The following GRIK1 variants were observed in gnomAD, a reference collection of about 807,000 sequenced individuals.
The protein encoded by GRIK1 is glutamate receptor ionotropic, kainate 1.
GRIK1 carries 69 observed loss-of-function variants against 105.7 expected under a neutral mutation model. That is an observed-to-expected ratio of 0.65 (90% CI 0.54 to 0.80). GRIK1 has a LOEUF of 0.80. GRIK1 is among the 30% of genes least tolerant of loss of function. The probability of loss-of-function intolerance (pLI) is 0.00; values close to 1 mark genes in which losing one functional copy is unlikely to be tolerated. For missense variants in GRIK1, 1,109 were observed against 1,167.3 expected (o/e 0.95, Z 0.73); for synonymous variants, 438 against 431.3 (o/e 1.02, Z -0.19).
intron 1 of GRIK1, among the ~76,000 whole-genome samples, chr21:29,857,686 A>G (rs1288945513): frequency 6.6e-6 from 1 of 152,232 alleles, no homozygotes; most frequent in African/African-American, 2.4e-5. Context: ...TAATGTTAAT[A>G]TTAAAAGGAT....
intron 3 of GRIK1, among the ~76,000 whole-genome samples, chr21:29,681,501 C>T (rs559640236): frequency 3.3e-5 from 5 of 152,262 alleles, no homozygotes; most frequent in South Asian, 2.1e-4. Context: ...TGACTAGAAC[C>T]GCCTTCTCTC....
intron 1 of GRIK1, among the ~76,000 whole-genome samples, chr21:29,921,766 A>C (rs746326457): frequency 6.6e-6 from 1 of 152,192 alleles, no homozygotes; most frequent in Non-Finnish European, 1.5e-5. Context: ...ATACAAATTA[A>C]CGTACGCTAA....
chr21:29,865,032 C>T (rs1224825038), intron 1 of GRIK1, among the ~76,000 whole-genome samples: 1 of 152,184 alleles, frequency 6.6e-6, no homozygotes, highest in Non-Finnish European at 1.5e-5. Context: ...TGATGCCACT[C>T]TTGATAAACC....
At chr21:29,587,964 C>CCTTTTTT in intron 11 of GRIK1, among the ~76,000 whole-genome samples, 1 of 65,410 alleles carries the variant, frequency 1.5e-5, no homozygotes, top group East Asian at 6.0e-4. Flanking sequence ...CTTTAAAATT[C>CCTTTTTT]TTTTTTTTTT....
intron 1 of GRIK1, among the ~76,000 whole-genome samples, chr21:29,717,233 G>C (rs1411990572): frequency 6.6e-6 from 1 of 152,248 alleles, no homozygotes; most frequent in Non-Finnish European, 1.5e-5. Context: ...TGCTAGGGCA[G>C]TGTGGAAGGG....
chr21:29,701,209 C>T (rs1448266112), intron 1 of GRIK1, among the ~76,000 whole-genome samples: 1 of 152,158 alleles, frequency 6.6e-6, no homozygotes, highest in Non-Finnish European at 1.5e-5. Context: ...CAGTGAGCAA[C>T]AGATACGCAT....
intron 4 of GRIK1, among the ~76,000 whole-genome samples, chr21:29,670,131 T>TA (rs1379691251): frequency 2.0e-5 from 3 of 152,130 alleles, no homozygotes; most frequent in Non-Finnish European, 4.4e-5. Context: ...ATAGGACCTT[T>TA]AAAAAAGGGT....
intron 7 of GRIK1, among the ~76,000 whole-genome samples, chr21:29,600,356 C>T (rs1338199150): frequency 1.3e-5 from 2 of 152,116 alleles, no homozygotes; most frequent in African/African-American, 4.8e-5. Flanking sequence ...CTGCCTTTCA[C>T]AGAACTCACA....
chr21:29,565,340 T>C (rs941130334), intron 14 of GRIK1, among the ~76,000 whole-genome samples: 1 of 152,218 alleles, frequency 6.6e-6, no homozygotes, highest in Non-Finnish European at 1.5e-5. Flanking sequence ...AATTAGAGTT[T>C]GCAGGAAGAC....
In GRIK1 at chr21:29,878,765, C is replaced by T. The variant is rs566324219; in HGVS notation, c.118+60618G>A. ...GACTAAGAAGGCCACCTACAAAGCA[C>T]GAAGTGGACCCTCACCAGTCACCAA... On this transcript the variant is annotated intron_variant, in intron 1 of 17. Coordinates refer to ENST00000327783, the MANE Select transcript of GRIK1 (RefSeq NM_001330994.2). Among the ~76,000 whole-genome samples the T allele has an allele frequency of 3.3e-4, 50 of 152,236 alleles. 1 individual carries two copies. The South Asian group carries it at 7.5e-3, about 23-fold the overall frequency.
intron 1 of GRIK1, among the ~76,000 whole-genome samples, chr21:29,719,638 C>G (rs2064271893): frequency 6.6e-6 from 1 of 152,074 alleles, no homozygotes; most frequent in Admixed American, 6.5e-5. Context: ...TCATCCCCTG[C>G]CAGGCATCTC....
chr21:29,632,722 G>C (rs1037336339), intron 7 of GRIK1, among the ~76,000 whole-genome samples: 2 of 152,168 alleles, frequency 1.3e-5, no homozygotes, highest in African/African-American at 4.8e-5. Context: ...GACATTAGTA[G>C]TTGAATGGGA....
chr21:29,872,914 A>G (rs934463820), intron 1 of GRIK1, among the ~76,000 whole-genome samples: 7 of 152,134 alleles, frequency 4.6e-5, no homozygotes, highest in Admixed American at 3.3e-4. Context: ...ACCATATCAA[A>G]CCCAATATAT....
At chr21:29,787,784 C>T (rs776318292) in intron 1 of GRIK1, among the ~76,000 whole-genome samples, 4 of 152,190 alleles carry the variant, frequency 2.6e-5, no homozygotes, top group Non-Finnish European at 5.9e-5. Context: ...ACGCCAGGAA[C>T]ATTTATCAAT....
intron 1 of GRIK1, among the ~76,000 whole-genome samples, chr21:29,936,079 G>T (rs1434096503): frequency 6.6e-6 from 1 of 152,068 alleles, no homozygotes; most frequent in Non-Finnish European, 1.5e-5. Context: ...GCAATGGCCT[G>T]GTAAGACTAA....
At chr21:29,842,360 C>A (rs931022842) in intron 1 of GRIK1, among the ~76,000 whole-genome samples, 3 of 151,948 alleles carry the variant, frequency 2.0e-5, no homozygotes, top group African/African-American at 7.3e-5. Flanking sequence ...TATGTTCATT[C>A]TTAGGAACAT....
At chr21:29,596,654 A>T in intron 8 of GRIK1, 84 bp from the exon 9 acceptor site, 1 of 928,220 alleles carries the variant, frequency 1.1e-6, no homozygotes, top group Non-Finnish European at 1.8e-6. Context: ...ATGGTGTGTG[A>T]GTGCTTAGAG....
intron 1 of GRIK1, chr21:29,861,580 TATA>T: frequency 1.1e-5 from 2 of 189,686 alleles, no homozygotes; most frequent in South Asian, 4.9e-5. Context: ...AGTGTGGGAT[TATA>T]GGTGTGAGCC....
intron 14 of GRIK1, among the ~76,000 whole-genome samples, chr21:29,570,498 T>C (rs1410203339): frequency 1.4e-5 from 2 of 146,602 alleles, no homozygotes; most frequent in African/African-American, 5.1e-5. Flanking sequence ...TGAGACTCCA[T>C]CTCAAAAAAA....
Sources: allele counts gnomAD v4.1 joint callset (sites outside exome capture counted in the v4.1 genomes callset), GRCh38; gene constraint gnomAD v4.1.1; transcripts MANE v1.5; gene names NCBI Gene and HGNC (gene_info 2026-07-23, HGNC 2026-07-21).